Variants in PLCE1 observed in about 807,000 individuals in gnomAD.
The protein encoded by PLCE1 is 1-phosphatidylinositol 4,5-bisphosphate phosphodiesterase epsilon-1.
PLCE1 carries 119 observed loss-of-function variants against 242.8 expected under a neutral mutation model. The ratio of observed to expected loss-of-function variants is 0.49; its 90% CI spans 0.42 to 0.57. PLCE1 has a LOEUF of 0.57. Among genes scored for constraint, PLCE1 ranks in the 20% least tolerant of loss-of-function variants. The probability of loss-of-function intolerance (pLI) is 0.00; values close to 1 mark genes in which losing one functional copy is unlikely to be tolerated. For synonymous variants in PLCE1, 945 were observed against 1,017.4 expected, an observed-to-expected ratio of 0.93 and a Z score of 1.35; for missense variants, 2,441 against 2,788.8, an observed-to-expected ratio of 0.88 and a Z score of 2.81.
intron 5 of PLCE1, among the ~76,000 whole-genome samples, chr10:94,227,729 C>T (rs917782422): frequency 1.3e-5 from 2 of 152,154 alleles, no homozygotes; most frequent in Non-Finnish European, 2.9e-5. Flanking sequence ...TTGCATAACC[C>T]GATCAACCCC....
At chr10:94,145,239 G>A (rs1392873319) in intron 3 of PLCE1, among the ~76,000 whole-genome samples, 1 of 152,114 alleles carries the variant, frequency 6.6e-6, no homozygotes, top group Non-Finnish European at 1.5e-5. Context: ...TAATTGTTTC[G>A]AGGAGTTGGG....
At chr10:94,116,694 C>CA (rs918618919) in intron 2 of PLCE1, among the ~76,000 whole-genome samples, 37 of 147,014 alleles carry the variant, frequency 2.5e-4, no homozygotes, top group South Asian at 8.6e-4. Flanking sequence ...GACTCTGTCT[C>CA]AAAAAAAAAA....
intron 4 of PLCE1, among the ~76,000 whole-genome samples, chr10:94,218,359 G>A (rs987832026): frequency 6.6e-6 from 1 of 152,110 alleles, no homozygotes; most frequent in African/African-American, 2.4e-5. Context: ...AGCCCAGATA[G>A]GTTAAGTGAA....
intron 1 of PLCE1, among the ~76,000 whole-genome samples, chr10:94,025,585 A>G (rs2061441424): frequency 6.6e-6 from 1 of 152,146 alleles, no homozygotes; most frequent in Non-Finnish European, 1.5e-5. Context: ...CCTGATGCTG[A>G]ATAATGTGCC....
intron 2 of PLCE1, chr10:94,105,903 C>G (rs556958487): frequency 1.3e-5 from 2 of 152,178 alleles, no homozygotes; most frequent in African/African-American, 4.8e-5. Context: ...TTATGCCAAG[C>G]CTTTTTTCAC....
intron 22 of PLCE1, among the ~76,000 whole-genome samples, chr10:94,291,793 T>A (rs1490251792): frequency 1.3e-5 from 2 of 152,162 alleles, no homozygotes; most frequent in Admixed American, 1.3e-4. Context: ...TCTGGAAATG[T>A]TGTTATCGGT....
At chr10:94,285,304 A>T (rs2052399573) in intron 22 of PLCE1, among the ~76,000 whole-genome samples, 1 of 152,196 alleles carries the variant, frequency 6.6e-6, no homozygotes, top group South Asian at 2.1e-4. Flanking sequence ...TACCGTTCAT[A>T]ATGATTCTAC....
Position 94,081,061 on chromosome 10 carries a change from A to T in PLCE1, c.1206+48809A>T, listed in dbSNP as rs113633844. 6.6e-3 allele frequency among the ~76,000 whole-genome samples: 1,008 copies of T among 152,350 alleles called. 14 individuals are homozygous for T. The highest frequency in any genetic ancestry group is 0.023 in the African/African-American group (965 of 41,590). Reference sequence around the variant, plus strand: ...GGCTAGATTATGGGAGGAAAATGTTATCTCAATCTTGTTTTTTTAAATATT... The same window carrying T: ...GGCTAGATTATGGGAGGAAAATGTTTTCTCAATCTTGTTTTTTTAAATATT... On this transcript the variant is annotated intron_variant, in intron 2 of 32. Transcript: ENST00000371380.
At chr10:94,200,826 G>A (rs189071561) in intron 4 of PLCE1, among the ~76,000 whole-genome samples, 2 of 152,278 alleles carry the variant, frequency 1.3e-5, no homozygotes, top group Non-Finnish European at 2.9e-5. Flanking sequence ...GACCTCCGTG[G>A]TCTTCCTCCC....
At chr10:94,190,130 A>G (rs1028544013) in intron 4 of PLCE1, among the ~76,000 whole-genome samples, 1 of 152,100 alleles carries the variant, frequency 6.6e-6, no homozygotes, top group Non-Finnish European at 1.5e-5. Flanking sequence ...AAAAATACAG[A>G]AGTTACAGGC....
At chr10:94,235,239 G>A (rs1325363475) in intron 6 of PLCE1, among the ~76,000 whole-genome samples, 1 of 152,084 alleles carries the variant, frequency 6.6e-6, no homozygotes, top group Admixed American at 6.5e-5. Context: ...AACACCACCG[G>A]CATCTCTCTG....
At chr10:94,119,494 C>G (rs1417728441) in intron 2 of PLCE1, among the ~76,000 whole-genome samples, 1 of 152,170 alleles carries the variant, frequency 6.6e-6, no homozygotes, top group Non-Finnish European at 1.5e-5. Flanking sequence ...ACTCACTGCT[C>G]AATCTCTTAG....
chr10:94,110,416 G>A (rs1440724461), intron 2 of PLCE1, among the ~76,000 whole-genome samples: 3 of 152,062 alleles, frequency 2.0e-5, no homozygotes, highest in Admixed American at 2.0e-4. Context: ...TGCAGAAAAA[G>A]TTTTATGCAC....
chr10:94,224,988 G>C (rs909758813), intron 4 of PLCE1, among the ~76,000 whole-genome samples: 6 of 152,208 alleles, frequency 3.9e-5, no homozygotes, highest in African/African-American at 1.4e-4. Context: ...TGAGGGCCCA[G>C]TGAAGTCCAG....
intron 2 of PLCE1, among the ~76,000 whole-genome samples, chr10:94,125,414 A>G (rs1278429681): frequency 1.3e-5 from 2 of 151,270 alleles, no homozygotes; most frequent in South Asian, 2.1e-4. Flanking sequence ...TTTTTTTGAG[A>G]CAGAGTCTCG....
intron 17 of PLCE1, among the ~76,000 whole-genome samples, chr10:94,269,628 T>C (rs1241955451): frequency 6.6e-6 from 1 of 152,206 alleles, no homozygotes; most frequent in Non-Finnish European, 1.5e-5. Context: ...ATTGTTGCAA[T>C]TTTTACGTAA....
chr10:94,149,315 C>G (rs1437963557), intron 3 of PLCE1, among the ~76,000 whole-genome samples: 1 of 152,122 alleles, frequency 6.6e-6, no homozygotes, highest in African/African-American at 2.4e-5. Context: ...AGTCTTTGAG[C>G]CTTGACTGAT....
intron 1 of PLCE1, among the ~76,000 whole-genome samples, chr10:94,016,237 A>G (rs1404925879): frequency 3.9e-5 from 6 of 152,000 alleles, no homozygotes; most frequent in Middle Eastern, 6.8e-3. Context: ...ATATTATTAT[A>G]TATTATTATA....
In PLCE1 at chr10:94,032,155, G is replaced by A. The variant is rs764511730; in HGVS notation, c.1109G>A (p.Gly370Asp). 23 of 1,609,412 alleles carry A rather than the reference G, an allele frequency of 1.4e-5. No homozygotes were observed. In the South Asian group the frequency reaches 2.2e-4, roughly 16 times the overall value. ...AWSYIDQKRN[G>D]PLLPCGRVME... ...AGTTACATAGATCAGAAGAGAAATG[G>A]TCCCTTACTGCCTTGTGGGAGAGTA... The change falls in exon 2 of 33, where the codon GGT becomes GAT. Residue 370 changes from glycine (G) to aspartate (D), a missense_variant. By Grantham distance (94) the Gly-to-Asp change is moderately conservative. Around this residue, in one of 5 missense-constraint regions of PLCE1, gnomAD observed 733 missense variants for 754.2 expected, o/e 0.97. Transcript: ENST00000371380.
Sources: allele counts gnomAD v4.1 joint callset (sites outside exome capture counted in the v4.1 genomes callset), GRCh38; gene constraint gnomAD v4.1.1; regional missense constraint gnomAD v4.1.1; transcripts MANE v1.5; gene names NCBI Gene and HGNC (gene_info 2026-07-23, HGNC 2026-07-21).